ZBTB47: variants seen among roughly 807,000 people sequenced by gnomAD.
ZBTB47 encodes the protein zinc finger and BTB domain-containing protein 47.
ZBTB47 carries 24 observed loss-of-function variants against 56.6 expected under a neutral mutation model. That is an observed-to-expected ratio of 0.42 (90% CI 0.31 to 0.60). ZBTB47 has a LOEUF of 0.60. ZBTB47 is among the 20% of genes least tolerant of loss of function. The pLI is 0.14. For missense variants in ZBTB47, 829 were observed against 1,032.6 expected (o/e 0.80, Z 2.70); for synonymous variants, 414 against 418.9 (o/e 0.99, Z 0.14).
chr3:42,654,597 G>A lies in ZBTB47; in HGVS notation c.-82+714G>A, dbSNP rs1710613985. ...TGGTCGCGGGGCCCTGCGCGGGGGC[G>A]GCCCCCAGCGCGGCGCTTCATGGAG... On this transcript the variant is annotated intron_variant, in intron 1 of 5. Coordinates refer to ENST00000232974, the MANE Select transcript of ZBTB47 (RefSeq NM_145166.4). The surrounding 1 kb of genome is among the most constrained non-coding windows in gnomAD (Gnocchi z 5.0). 1.2e-6 allele frequency: 1 copy of A among 838,030 alleles called. No homozygotes were observed. Among genetic ancestry groups the A allele is most frequent in the African/African-American group, 1.8e-5 (1 of 54,326 alleles). 51.9% of individuals were successfully genotyped at this position (838,030 alleles called of 1,614,324 possible). A position where few individuals can be genotyped will look rare whatever the true frequency, so the allele number is the denominator to read the frequency against.
rs1710671397 is a variant in ZBTB47, at chr3:42,658,861, A to G, written c.506A>G (p.Asp169Gly). 1.3e-6 allele frequency: 2 copies of G among 1,528,340 alleles called. No individual in the cohort carries two copies. The highest frequency in any genetic ancestry group is 1.8e-6 in the Non-Finnish European group (2 of 1,142,488). The allele number at this position is 1,528,340 out of a possible 1,614,324, so 94.7% of individuals were successfully genotyped here. A position where few individuals can be genotyped will look rare whatever the true frequency, so the allele number is the denominator to read the frequency against. Residue 169 changes from aspartate (D) to glycine (G), a missense_variant, in exon 2 of 6, where the codon GAC (aspartate) becomes GGC (glycine). By Grantham distance (94) the Asp-to-Gly change is moderately conservative (BLOSUM62 -1). Around this residue, in one of 6 missense-constraint regions of ZBTB47, gnomAD observed 359 missense variants for 359.8 expected, o/e 1.00. Transcript: ENST00000232974. ...GACCCTTACTCGGTGCGTGTTGAGG[A>G]CGGGGCAGGGACTGCTGGTGGCACA... is the stretch of plus-strand genomic sequence containing the variant. ...GPDPYSVRVE[D>G]GAGTAGGTVP... is the part of the protein sequence containing the mutation.
rs763228126 is a variant in ZBTB47 at position 42,659,267 on chromosome 3, G to C, written c.912G>C (p.Glu304Asp). 6.6e-7 allele frequency: 1 copy of C among 1,518,460 alleles called. No homozygotes were observed. The highest frequency in any genetic ancestry group is 1.2e-5 in the South Asian group (1 of 83,304). The allele number at this position is 1,518,460 out of a possible 1,614,324, so 94.1% of individuals were successfully genotyped here. Residue 304 changes from glutamate (E) to aspartate (D), a missense_variant, in exon 2 of 6, where the codon GAG becomes GAC. By Grantham distance (45) the Glu-to-Asp change is conservative (BLOSUM62 2). Around this residue, in one of 6 missense-constraint regions of ZBTB47, gnomAD observed 359 missense variants for 359.8 expected, o/e 1.00. Transcript: ENST00000232974. Reference protein sequence around the residue: ...EGGGSGREEEEEEEGGSQGEE... With the variant: ...EGGGSGREEEDEEEGGSQGEE... Reference sequence around the variant, plus strand: ...GTGGCAGTGGACGGGAGGAGGAGGAGGAGGAAGAGGGTGGCAGTCAGGGAG... The same window carrying C: ...GTGGCAGTGGACGGGAGGAGGAGGACGAGGAAGAGGGTGGCAGTCAGGGAG...
intron 5 of ZBTB47, 42 bp from the exon 6 acceptor site, chr3:42,664,195 C>T (rs375748401): frequency 6.2e-6 from 10 of 1,603,156 alleles, no homozygotes; most frequent in Non-Finnish European, 7.7e-6. Context: ...TGGGGTGTGG[C>T]GACCCCTCAC....
In ZBTB47 at chr3:42,658,607, C is replaced by T; in HGVS notation, c.252C>T (p.Ala84=). Residue 84 remains alanine, a synonymous_variant, in exon 2 of 6, where the codon GCC becomes GCT. Transcript: ENST00000232974. ...CGTCCAAGCTGCTGGTCAACGCGGCCAACGTCCACGAGGTGCTCAGCGCCG... is the reference window on the plus strand; with the variant it reads ...CGTCCAAGCTGCTGGTCAACGCGGCTAACGTCCACGAGGTGCTCAGCGCCG... ...IYTSKLLVNA[A]NVHEVLSAAS... 1 of 1,537,014 alleles carries T rather than the reference C, an allele frequency of 6.5e-7. No homozygotes were observed. Among genetic ancestry groups the T allele is most frequent in the East Asian group, 2.4e-5 (1 of 40,912 alleles).
chr3:42,663,692 T>TG lies in ZBTB47; in HGVS notation c.1738-104dup. ...CCCCATCTCCTTGCCCAGGAGCCCC[T>TG]GAGTGTGTCCCTCCTTGGCCCTGTG... is the stretch of plus-strand genomic sequence containing the variant. On this transcript the variant is annotated intron_variant, in intron 4 of 5. Transcript: ENST00000232974. This position sits in a 1 kb window ranked among gnomAD's most constrained non-coding sequence, Gnocchi z 5.1. The TG allele has an allele frequency of 6.9e-7, 1 of 1,442,528 alleles. No homozygotes were observed. The highest frequency in any genetic ancestry group is 1.3e-5 in the South Asian group (1 of 74,518). 89.4% of individuals were successfully genotyped at this position (1,442,528 alleles called of 1,614,324 possible).
chr3:42,659,762 C>T lies in ZBTB47; in HGVS notation c.1407C>T (p.Gly469=), dbSNP rs1710691052. 6.2e-7 allele frequency: 1 copy of T among 1,613,794 alleles called. No individual in the cohort carries two copies. The change falls in exon 2 of 6, where the codon GGC becomes GGT. Residue 469 remains glycine (G), a synonymous_variant. Coordinates refer to ENST00000232974, the MANE Select transcript of ZBTB47 (RefSeq NM_145166.4). The part of the protein sequence containing the change: ...HSRMQICDQC[G]KRFLLESELL... ...GCATGCAGATCTGCGACCAGTGCGG[C>T]AAGCGCTTCCTGCTGGAGAGCGAGC...
Position 42,663,688 on chromosome 3 carries a change from C to T in ZBTB47, c.1738-109C>T. 1.4e-6 allele frequency: 2 copies of T among 1,402,510 alleles called. No homozygotes were observed. Among genetic ancestry groups the T allele is most frequent in the South Asian group, 2.8e-5 (2 of 72,304 alleles). The allele number at this position is 1,402,510 out of a possible 1,614,324, so 86.9% of individuals were successfully genotyped here. A position where few individuals can be genotyped will look rare whatever the true frequency, so the allele number is the denominator to read the frequency against. ...ATGTCCCCATCTCCTTGCCCAGGAG[C>T]CCCTGAGTGTGTCCCTCCTTGGCCC... is the stretch of plus-strand genomic sequence containing the variant. On this transcript the variant is annotated intron_variant, in intron 4 of 5. Coordinates refer to ENST00000232974, the MANE Select transcript of ZBTB47 (RefSeq NM_145166.4). The surrounding 1 kb of genome is among the most constrained non-coding windows in gnomAD (Gnocchi z 5.1).
chr3:42,661,437 G>T (rs1710718297), intron 2 of ZBTB47, 48 bp from the exon 3 acceptor site: 2 of 1,594,088 alleles, frequency 1.3e-6, no homozygotes, highest in East Asian at 4.5e-5. Context: ...CCAAGTCCAA[G>T]ACCCTGGGGA....
chr3:42,664,818 T>C lies in ZBTB47; in HGVS notation c.*220T>C. The stretch of plus-strand genomic sequence containing the variant: ...GCATCTCACTCCCAAGTGCCCCCCC[T>C]TTCTGTGACTCCTTGAAGCCTTTAC... On this transcript the variant is annotated 3_prime_UTR_variant, in exon 6 of 6. Coordinates refer to ENST00000232974, the MANE Select transcript of ZBTB47 (RefSeq NM_145166.4). 2.4e-6 allele frequency: 1 copy of C among 424,698 alleles called. No homozygotes were observed. The highest frequency in any genetic ancestry group is 3.7e-5 in the East Asian group (1 of 27,386). The allele number at this position is 424,698 out of a possible 1,614,324, so 26.3% of individuals were successfully genotyped here. A position where few individuals can be genotyped will look rare whatever the true frequency, so the allele number is the denominator to read the frequency against.
chr3:42,658,620 G>A lies in ZBTB47; in HGVS notation c.265G>A (p.Val89Met), dbSNP rs1310669974. 6.5e-7 allele frequency: 1 copy of A among 1,536,862 alleles called. No homozygotes were observed. Among genetic ancestry groups the A allele is most frequent in the Non-Finnish European group, 8.7e-7 (1 of 1,146,940 alleles). Reference sequence around the variant, plus strand: ...GGTCAACGCGGCCAACGTCCACGAGGTGCTCAGCGCCGCCTCATTGCTGCA... The same window carrying A: ...GGTCAACGCGGCCAACGTCCACGAGATGCTCAGCGCCGCCTCATTGCTGCA... ...LLVNAANVHE[V>M]LSAASLLQMA... The change falls in exon 2 of 6, where the codon GTG (valine) becomes ATG (methionine). Residue 89 changes from valine (V) to methionine (M), a missense_variant. Val to Met is a conservative substitution (Grantham distance 21). Around this residue, in one of 6 missense-constraint regions of ZBTB47, gnomAD observed 120 missense variants for 200.2 expected, o/e 0.60. Transcript: ENST00000232974.
chr3:42,664,560 A>G lies in ZBTB47; in HGVS notation c.2206A>G (p.Thr736Ala). 1 of 1,062,892 alleles carries G rather than the reference A, an allele frequency of 9.4e-7. No individual in the cohort carries two copies. Among genetic ancestry groups the G allele is most frequent in the Admixed American group, 9.1e-5 (1 of 10,984 alleles). 65.8% of individuals were successfully genotyped at this position (1,062,892 alleles called of 1,614,324 possible). Reference sequence around the variant, plus strand: ...GCCCCCGCCTCCGCTCTTCCCCACCACTGCCAGCCCCGGCGGGAGGATGAA... The same window carrying G: ...GCCCCCGCCTCCGCTCTTCCCCACCGCTGCCAGCCCCGGCGGGAGGATGAA... Reference protein sequence around the residue: ...LPPPPPLFPTTASPGGRMNAN... With the variant: ...LPPPPPLFPTAASPGGRMNAN... The change falls in exon 6 of 6, where the codon ACT (threonine) becomes GCT (alanine). Residue 736 changes from threonine to alanine, a missense_variant. Thr to Ala is a moderately conservative substitution (Grantham distance 58). Around this residue, in one of 6 missense-constraint regions of ZBTB47, gnomAD observed 115 missense variants for 117.2 expected, o/e 0.98. Transcript: ENST00000232974.
Position 42,658,468 on chromosome 3 carries a change from A to G in ZBTB47, c.113A>G (p.Tyr38Cys). The change falls in exon 2 of 6, where the codon TAC (tyrosine) becomes TGC (cysteine). Residue 38 changes from tyrosine (Y) to cysteine (C), a missense_variant. Physicochemically the swap from Tyr to Cys is radical, Grantham distance 194 (BLOSUM62 -2). Transcript: ENST00000232974. ...GCACACAAGGGTGTGCTAGCCGCCT[A>G]CAGCCAGTTCTTCCACTCACTCTTC... ...FPAHKGVLAA[Y>C]SQFFHSLFTQ... 3 of 1,537,060 alleles carry G rather than the reference A, an allele frequency of 2.0e-6. No homozygotes were observed. The highest frequency in any genetic ancestry group is 1.7e-6 in the Non-Finnish European group (2 of 1,146,898).
In ZBTB47 at chr3:42,663,040, C is replaced by T. The variant is rs759553267; in HGVS notation, c.1650C>T (p.Cys550=). 3.3e-5 allele frequency: 54 copies of T among 1,613,726 alleles called. No homozygotes were observed. The highest frequency in any genetic ancestry group is 4.1e-5 in the Non-Finnish European group (48 of 1,179,748). The change falls in exon 4 of 6, where the codon TGC becomes TGT. Residue 550 remains cysteine (C), a synonymous_variant. Transcript: ENST00000232974. This position sits in a 1 kb window ranked among gnomAD's most constrained non-coding sequence, Gnocchi z 5.1. ...VAHTKDMPFT[C]ETCGKSFKRS... ...ACACCAAGGACATGCCCTTCACCTG[C>T]GAGACCTGCGGAAAGTCCTTCAAGC... is the stretch of plus-strand genomic sequence containing the variant.
At chr3:42,660,697 C>A (rs339721) in intron 2 of ZBTB47, among the ~76,000 whole-genome samples, 46,826 of 152,048 alleles carry the variant, frequency 0.31, 8,232 homozygotes, top group African/African-American at 0.47. Context: ...ACCCGGGGGT[C>A]ACCTGCTATC....
chr3:42,655,870 G>A lies in ZBTB47; in HGVS notation c.-82+1987G>A, dbSNP rs115277669. Among the ~76,000 whole-genome samples the A allele has an allele frequency of 3.0e-3, 462 of 152,358 alleles. 3 individuals carry two copies. Among genetic ancestry groups the A allele is most frequent in the African/African-American group, 0.011 (446 of 41,578 alleles). ...GTACTACCTTAGCAATGGAGTGTTT[G>A]AGAAAGCACTCCCCTCCTTTCCTGC... is the stretch of plus-strand genomic sequence containing the variant. On this transcript the variant is annotated intron_variant, in intron 1 of 5. Transcript: ENST00000232974.
chr3:42,661,423 T>G, intron 2 of ZBTB47, 62 bp from the exon 3 acceptor site: 1 of 1,565,870 alleles, frequency 6.4e-7, no homozygotes, highest in African/African-American at 1.4e-5. Flanking sequence ...GGGCAGTAGC[T>G]TGCCCAAGTC....
At position 42,656,180 on chromosome 3, in the gene ZBTB47, A is replaced by T. The variant is rs1710639893; in HGVS notation, c.-81-2095A>T. On this transcript the variant is annotated intron_variant, in intron 1 of 5. Transcript: ENST00000232974. This position sits in a 1 kb window ranked among gnomAD's most constrained non-coding sequence, Gnocchi z 5.8. ...CAAGTTGTACCCTGATCCTTCACTG[A>T]CCTGCAGGTGCAGTGGCTCTAGGGA... Among the ~76,000 whole-genome samples, 1 of 152,186 alleles carries T rather than the reference A, an allele frequency of 6.6e-6. No homozygotes were observed. The highest frequency in any genetic ancestry group is 2.1e-4 in the South Asian group (1 of 4,836).
Position 42,659,220 on chromosome 3 carries a change from G to A in ZBTB47, c.865G>A (p.Glu289Lys), listed in dbSNP as rs1392008657. 8.5e-6 allele frequency: 13 copies of A among 1,530,014 alleles called. No homozygotes were observed. The African/African-American group carries it at 1.2e-4, about 15-fold the overall frequency. 94.8% of individuals were successfully genotyped at this position (1,530,014 alleles called of 1,614,324 possible). A position where few individuals can be genotyped will look rare whatever the true frequency, so the allele number is the denominator to read the frequency against. The change falls in exon 2 of 6, where the codon GAA becomes AAA. Residue 289 changes from glutamate (E) to lysine (K), a missense_variant. Physicochemically the swap from Glu to Lys is moderately conservative, Grantham distance 56 (BLOSUM62 1). Around this residue, in one of 6 missense-constraint regions of ZBTB47, gnomAD observed 359 missense variants for 359.8 expected, o/e 1.00. Coordinates refer to ENST00000232974, the MANE Select transcript of ZBTB47 (RefSeq NM_145166.4). ...EEEDDEEEEE[E>K]EEEEEGGGSG... is the part of the protein sequence containing the mutation. ...GGAGGACGACGAGGAGGAGGAGGAG[G>A]AAGAAGAGGAAGAGGAAGGTGGTGG...
At position 42,658,347 on chromosome 3, in the gene ZBTB47, G is replaced by C; in HGVS notation, c.-9G>C. Reference sequence around the variant, plus strand: ...GGTGGAGGACGTGGCGCTGCACTTTGCCTGCTTGATGGGCCGCCTGAACGA... The same window carrying C: ...GGTGGAGGACGTGGCGCTGCACTTTCCCTGCTTGATGGGCCGCCTGAACGA... On this transcript the variant is annotated 5_prime_UTR_variant, in exon 2 of 6. Transcript: ENST00000232974. 6.5e-7 allele frequency: 1 copy of C among 1,529,258 alleles called. No homozygotes were observed. The highest frequency in any genetic ancestry group is 1.2e-5 in the South Asian group (1 of 83,328). 94.7% of individuals were successfully genotyped at this position (1,529,258 alleles called of 1,614,324 possible). A position where few individuals can be genotyped will look rare whatever the true frequency, so the allele number is the denominator to read the frequency against.
Sources: gnomAD v4.1 joint callset for allele counts (sites outside exome capture counted in the v4.1 genomes callset) on GRCh38, gnomAD v4.1.1 for gene constraint, gnomAD v4.1.1 regional missense constraint, Gnocchi (gnomAD v3.1) non-coding constraint, MANE v1.5 for transcripts, NCBI Gene and HGNC (gene_info 2026-07-23, HGNC 2026-07-21) for gene names.